The following BBS9 variants were observed in gnomAD, a reference collection of about 807,000 sequenced individuals.
BBS9 encodes Bardet-Biedl syndrome 9.
BBS9 carries 89 observed loss-of-function variants against 117.7 expected under a neutral mutation model. That is an observed-to-expected ratio of 0.76 (90% CI 0.64 to 0.90). BBS9 has a LOEUF of 0.90. BBS9 is among the 40% of genes least tolerant of loss of function. The pLI is 0.00. For synonymous variants in BBS9, 379 were observed against 370.9 expected, an observed-to-expected ratio of 1.02 and a Z score of -0.25; for missense variants, 982 against 1,042.2, an observed-to-expected ratio of 0.94 and a Z score of 0.80.
intron 19 of BBS9, among the ~76,000 whole-genome samples, chr7:33,407,939 G>A (rs971163907): frequency 1.3e-5 from 2 of 152,236 alleles, no homozygotes; most frequent in Admixed American, 6.5e-5. Context: ...CCAGCTGCAT[G>A]CTGGGAGAAC....
At chr7:33,516,487 C>CAAAAAAA (rs61006845) in intron 20 of BBS9, among the ~76,000 whole-genome samples, 5 of 51,510 alleles carry the variant, frequency 9.7e-5, no homozygotes, top group East Asian at 6.0e-4. Context: ...ATTTCATCTC[C>CAAAAAAA]AAAAAAAAAA....
At chr7:33,250,080 G>C (rs1583875953) in intron 5 of BBS9, among the ~76,000 whole-genome samples, 1 of 152,108 alleles carries the variant, frequency 6.6e-6, no homozygotes, top group Non-Finnish European at 1.5e-5. Flanking sequence ...TTTAATAAAT[G>C]GATATAAATT....
intron 19 of BBS9, among the ~76,000 whole-genome samples, chr7:33,420,883 G>A (rs1472113784): frequency 6.6e-6 from 1 of 152,204 alleles, no homozygotes; most frequent in African/African-American, 2.4e-5. Context: ...TTGCTAAGGT[G>A]AAAGTTTTTC....
At chr7:33,464,277 C>T (rs1277102151) in intron 19 of BBS9, among the ~76,000 whole-genome samples, 1 of 151,918 alleles carries the variant, frequency 6.6e-6, no homozygotes, top group East Asian at 1.9e-4. Context: ...TTTTTGGTAA[C>T]CTGGGGTAAT....
intron 5 of BBS9, among the ~76,000 whole-genome samples, chr7:33,236,525 A>G (rs1015142656): frequency 6.6e-6 from 1 of 151,766 alleles, no homozygotes; most frequent in East Asian, 2.0e-4. Flanking sequence ...ACAATATACT[A>G]TGCCTGTCTT....
chr7:33,355,195 C>G (rs1357868880), intron 15 of BBS9, among the ~76,000 whole-genome samples: 1 of 151,962 alleles, frequency 6.6e-6, no homozygotes. Context: ...ATTACAAACA[C>G]ATACACCCAC....
At chr7:33,328,574 A>C (rs1420310826) in intron 9 of BBS9, among the ~76,000 whole-genome samples, 1 of 152,184 alleles carries the variant, frequency 6.6e-6, no homozygotes, top group Non-Finnish European at 1.5e-5. Context: ...GGTAGAATAA[A>C]ATTTGGGGTG....
intron 9 of BBS9, among the ~76,000 whole-genome samples, chr7:33,282,891 C>G (rs1802176224): frequency 1.3e-5 from 2 of 152,060 alleles, no homozygotes; most frequent in Non-Finnish European, 2.9e-5. Flanking sequence ...TATTGACTTC[C>G]TATTGTGAAA....
rs1418407549 is a variant in BBS9 at position 33,351,473 on chromosome 7, TTA to T, written c.1537+152_1537+153del. On this transcript the variant is annotated intron_variant, in intron 14 of 22. Coordinates refer to ENST00000242067, the MANE Select transcript of BBS9 (RefSeq NM_198428.3). The stretch of plus-strand genomic sequence containing the variant: ...AAGTAAAATCATGTTTTCATTACTT[TTA>T]TGTGTTATGAGTAGTTCGTGATAAG... The T allele has an allele frequency of 8.5e-6, 6 of 708,268 alleles. No individual in the cohort carries two copies. The Admixed American group carries it at 1.2e-4, about 14-fold the overall frequency. 43.9% of individuals were successfully genotyped at this position (708,268 alleles called of 1,614,324 possible). A position where few individuals can be genotyped will look rare whatever the true frequency, so the allele number is the denominator to read the frequency against.
At chr7:33,390,602 T>C (rs1295265954) in intron 19 of BBS9, 6 of 970,964 alleles carry the variant, frequency 6.2e-6, no homozygotes, top group Non-Finnish European at 7.3e-6. Context: ...GGTGAGGTGT[T>C]GATTGTTCAA....
At chr7:33,428,201 A>G (rs2128872041) in intron 19 of BBS9, among the ~76,000 whole-genome samples, 1 of 152,294 alleles carries the variant, frequency 6.6e-6, no homozygotes, top group African/African-American at 2.4e-5. Flanking sequence ...TGTTCATTCT[A>G]CTGTGCAAAT....
chr7:33,375,937 A>G (rs771239362), intron 17 of BBS9, among the ~76,000 whole-genome samples: 8 of 152,142 alleles, frequency 5.3e-5, no homozygotes, highest in South Asian at 4.2e-4. Context: ...TTTCTTCTGT[A>G]TATGTTGATG....
chr7:33,284,060 C>T (rs570607662), intron 9 of BBS9, among the ~76,000 whole-genome samples: 8 of 152,274 alleles, frequency 5.3e-5, no homozygotes, highest in Admixed American at 1.3e-4. Flanking sequence ...ATATCTTTTG[C>T]TTCCATTCTG....
chr7:33,505,360 T>C, intron 19 of BBS9, 103 bp from the exon 20 acceptor site: 1 of 1,088,834 alleles, frequency 9.2e-7, no homozygotes, highest in Non-Finnish European at 1.4e-6. Context: ...AAGACAAAGT[T>C]CATCAAGTTG....
intron 9 of BBS9, among the ~76,000 whole-genome samples, chr7:33,331,895 TCA>T (rs1411087907): frequency 1.3e-5 from 2 of 152,132 alleles, no homozygotes; most frequent in Non-Finnish European, 2.9e-5. Flanking sequence ...ATCTATAGAT[TCA>T]ATGCAATTCC....
At chr7:33,295,702 T>C (rs1041001291) in intron 9 of BBS9, among the ~76,000 whole-genome samples, 8 of 152,008 alleles carry the variant, frequency 5.3e-5, no homozygotes, top group East Asian at 1.9e-4. Flanking sequence ...ACTTAAGATA[T>C]GGTTTCTTGA....
Position 33,478,986 on chromosome 7 carries a change from A to G in BBS9, c.2116-26477A>G, listed in dbSNP as rs372886473. 9.9e-5 allele frequency among the ~76,000 whole-genome samples: 15 copies of G among 151,268 alleles called. No individual in the cohort carries two copies. In the East Asian group the frequency reaches 1.8e-3, roughly 18 times the overall value. ...TACTGTTCATTTACTGATAGCTGTC[A>G]TTCCTGAAATAAAAATTAGCAAGCA... On this transcript the variant is annotated intron_variant, in intron 19 of 22. Transcript: ENST00000242067.
chr7:33,349,125 C>A lies in BBS9; in HGVS notation c.1387C>A (p.Pro463Thr). 1 of 1,613,390 alleles carries A rather than the reference C, an allele frequency of 6.2e-7. No individual in the cohort carries two copies. Among genetic ancestry groups the A allele is most frequent in the East Asian group, 2.2e-5 (1 of 44,776 alleles). The change falls in exon 13 of 23, where the codon CCA becomes ACA. Residue 463 changes from proline to threonine, a missense_variant. By Grantham distance (38) the Pro-to-Thr change is conservative. Transcript: ENST00000242067. ...QKAKLSVYVQ[P>T]PLELTCDQFT... ...AGCCAAATTATCAGTCTACGTGCAA[C>A]CACCATTAGAATTGACTTGTGATCA...
At chr7:33,511,241 C>T (rs535680953) in intron 20 of BBS9, among the ~76,000 whole-genome samples, 1 of 152,284 alleles carries the variant, frequency 6.6e-6, no homozygotes, top group South Asian at 2.1e-4. Flanking sequence ...GTACAAATCT[C>T]CTTCTCATTA....
Sources: gnomAD v4.1 joint callset for allele counts (sites outside exome capture counted in the v4.1 genomes callset) on GRCh38, gnomAD v4.1.1 for gene constraint, MANE v1.5 for transcripts, NCBI Gene and HGNC (gene_info 2026-07-23, HGNC 2026-07-21) for gene names.